HERC1: variants seen among roughly 807,000 people sequenced by gnomAD.
The protein encoded by HERC1 is probable E3 ubiquitin-protein ligase HERC1.
In HERC1, 160 loss-of-function variants were observed where a neutral mutation model predicts 554.3. The observed-to-expected ratio is 0.29, with a 90% CI of 0.25 to 0.33. The LOEUF is 0.33. Ranked by LOEUF, HERC1 falls within the 10% of genes least tolerant of loss-of-function variation. HERC1 has a pLI of 1.00. For missense variants in HERC1, 4,919 were observed against 5,918.5 expected (o/e 0.83, Z 5.54); for synonymous variants, 2,175 against 2,131.7 (o/e 1.02, Z -0.56).
At chr15:63,625,406 G>C (rs1376907016) in intron 71 of HERC1, among the ~76,000 whole-genome samples, 1 of 152,092 alleles carries the variant, frequency 6.6e-6, no homozygotes, top group African/African-American at 2.4e-5. Flanking sequence ...AGACTTTGTA[G>C]AAGTGGCTGG....
chr15:63,680,086 T>C lies in HERC1; in HGVS notation c.6540A>G (p.Pro2180=). The part of the protein sequence containing the change: ...YPCVMFYSSN[P]GEKVKICDMQ... ...TTTGAGACTTCATTACCTTTTCCCCTGGATTGCTACTATAGAACATCACAC... is the reference window on the plus strand; with the variant it reads ...TTTGAGACTTCATTACCTTTTCCCCCGGATTGCTACTATAGAACATCACAC... The change falls in exon 36 of 78, where the codon CCA becomes CCG. Residue 2180 remains proline (P), a synonymous_variant. Transcript: ENST00000443617. The surrounding 1 kb of genome is among the most constrained non-coding windows in gnomAD (Gnocchi z 5.8). The C allele has an allele frequency of 2.5e-6, 4 of 1,607,278 alleles. No homozygotes were observed. The highest frequency in any genetic ancestry group is 3.4e-6 in the Non-Finnish European group (4 of 1,175,032).
chr15:63,740,098 A>G (rs2141322252), intron 12 of HERC1, among the ~76,000 whole-genome samples: 1 of 152,154 alleles, frequency 6.6e-6, no homozygotes, highest in East Asian at 1.9e-4. Context: ...TTTAGTAGAG[A>G]CAGGGTTTCA....
intron 1 of HERC1, among the ~76,000 whole-genome samples, chr15:63,792,823 A>T (rs1360860604): frequency 2.6e-5 from 4 of 152,150 alleles, no homozygotes. Flanking sequence ...TCACAGGTTG[A>T]GGGCTCAGTC....
rs548887941 is a variant in HERC1, at chr15:63,749,176, T to A, written c.2219+191A>T. Among the ~76,000 whole-genome samples, 3 of 152,330 alleles carry A rather than the reference T, an allele frequency of 2.0e-5. No homozygotes were observed. Among genetic ancestry groups the A allele is most frequent in the African/African-American group, 7.2e-5 (3 of 41,578 alleles). On this transcript the variant is annotated intron_variant, in intron 10 of 77. Transcript: ENST00000443617. The surrounding 1 kb of genome is among the most constrained non-coding windows in gnomAD (Gnocchi z 4.1). Reference sequence around the variant, plus strand: ...GGTATGACTTCTTGCTTCGGAAACATGTCTAACCTCAACATTCAAATAAAA... The same window carrying A: ...GGTATGACTTCTTGCTTCGGAAACAAGTCTAACCTCAACATTCAAATAAAA...
intron 65 of HERC1, among the ~76,000 whole-genome samples, chr15:63,635,619 A>G (rs907992443): frequency 1.1e-4 from 16 of 152,270 alleles, no homozygotes; most frequent in Non-Finnish European, 2.2e-4. Flanking sequence ...ATGATAGGTT[A>G]AAAGCAAAGT....
In HERC1 at chr15:63,792,258, T is replaced by C. The variant is rs1292759605; in HGVS notation, c.-26-16609A>G. Among the ~76,000 whole-genome samples, 3 of 152,114 alleles carry C rather than the reference T, an allele frequency of 2.0e-5. No individual in the cohort carries two copies. The East Asian group carries it at 5.8e-4, about 29-fold the overall frequency. On this transcript the variant is annotated intron_variant, in intron 1 of 77. Coordinates refer to ENST00000443617, the MANE Select transcript of HERC1 (RefSeq NM_003922.4). ...CACATACCCTCTTCTCCAGGCCTCA[T>C]CTAAAAAATAAGGGATTTGAATAAA...
rs1331950892 is a variant in HERC1 at position 63,723,279 on chromosome 15, C to T, written c.3645G>A (p.Arg1215=). The T allele has an allele frequency of 1.3e-6, 2 of 1,597,784 alleles. No homozygotes were observed. Among genetic ancestry groups the T allele is most frequent in the East Asian group, 4.5e-5 (2 of 44,526 alleles). The change falls in exon 19 of 78, where the codon CGG becomes CGA. Residue 1215 remains arginine (R), a synonymous_variant. Coordinates refer to ENST00000443617, the MANE Select transcript of HERC1 (RefSeq NM_003922.4). ...EEQKPFDYKL[R]PEIAVYVDLA... is the part of the protein sequence containing the mutation. ...AGTCTACATAGACAGCAATTTCAGG[C>T]CGCAATTTATAATCAAAAGGCTTCT...
At chr15:63,658,205 G>A (rs931410379) in intron 48 of HERC1, among the ~76,000 whole-genome samples, 15 of 152,140 alleles carry the variant, frequency 9.9e-5, no homozygotes, top group South Asian at 2.1e-4. Context: ...GGCATCTGCA[G>A]GCTGACTTAG....
In HERC1 at chr15:63,649,813, T is replaced by TC; in HGVS notation, c.10658dup (p.Arg3554ThrfsTer10). ...TCAGTCCCAGAGATCCATCCATCCG[T>TC]CCCACCAACAACAATTCTGGAGACT... On this transcript the variant is annotated frameshift_variant, in exon 54 of 78. Coordinates refer to ENST00000443617, the MANE Select transcript of HERC1 (RefSeq NM_003922.4). LOFTEE classifies it high-confidence loss of function. 6.2e-7 allele frequency: 1 copy of TC among 1,613,628 alleles called. No individual in the cohort carries two copies. Among genetic ancestry groups the TC allele is most frequent in the Non-Finnish European group, 8.5e-7 (1 of 1,179,754 alleles).
chr15:63,739,202 T>TTA (rs1400718674), intron 12 of HERC1, among the ~76,000 whole-genome samples: 2 of 145,900 alleles, frequency 1.4e-5, no homozygotes, highest in African/African-American at 5.1e-5. Flanking sequence ...ATACTTTTTT[T>TTA]TTTTTTTTTT....
intron 1 of HERC1, among the ~76,000 whole-genome samples, chr15:63,821,920 G>A (rs896112847): frequency 1.3e-5 from 2 of 151,946 alleles, no homozygotes; most frequent in African/African-American, 4.8e-5. Context: ...TAATAACCAG[G>A]TAGGCAAGTA....
At chr15:63,688,910 C>T (rs747138132) in intron 33 of HERC1, among the ~76,000 whole-genome samples, 1 of 152,114 alleles carries the variant, frequency 6.6e-6, no homozygotes, top group African/African-American at 2.4e-5. Context: ...GAGGGGGAGA[C>T]ACCCAGGCTA....
At chr15:63,619,544 T>C (rs922686299) in intron 74 of HERC1, among the ~76,000 whole-genome samples, 1 of 152,208 alleles carries the variant, frequency 6.6e-6, no homozygotes, top group Non-Finnish European at 1.5e-5. Context: ...TCTTTTTCTA[T>C]TGATTGGAAT....
chr15:63,782,102 T>A (rs536421531), intron 1 of HERC1, among the ~76,000 whole-genome samples: 1 of 152,344 alleles, frequency 6.6e-6, no homozygotes, highest in African/African-American at 2.4e-5. Flanking sequence ...AGTGCTGATG[T>A]AGAAGCTGCA....
At chr15:63,793,256 C>A (rs1256117502) in intron 1 of HERC1, among the ~76,000 whole-genome samples, 3 of 152,144 alleles carry the variant, frequency 2.0e-5, no homozygotes, top group Non-Finnish European at 4.4e-5. Flanking sequence ...GAGGTCGGCA[C>A]AAGACACAGG....
At chr15:63,746,002 A>T (rs1471173955) in intron 12 of HERC1, among the ~76,000 whole-genome samples, 1 of 151,854 alleles carries the variant, frequency 6.6e-6, no homozygotes, top group Non-Finnish European at 1.5e-5. Flanking sequence ...GGATCTCCTC[A>T]ATTGTTTTTC....
At chr15:63,747,700 A>G (rs1450519435) in intron 11 of HERC1, 24 bp downstream of exon 11, 5 of 1,445,566 alleles carry the variant, frequency 3.5e-6, no homozygotes, top group Middle Eastern at 1.7e-4. Context: ...ACACACAAAG[A>G]TACAAAACAT....
At chr15:63,757,834 C>A (rs551957043) in intron 4 of HERC1, among the ~76,000 whole-genome samples, 81 of 152,084 alleles carry the variant, frequency 5.3e-4, no homozygotes, top group African/African-American at 1.9e-3. Context: ...CTCAGCCTCC[C>A]GAGTAGCTGG....
Position 63,654,299 on chromosome 15 carries a change from C to T in HERC1, c.10110G>A (p.Leu3370=). The T allele has an allele frequency of 6.2e-7, 1 of 1,613,556 alleles. No individual in the cohort carries two copies. Among genetic ancestry groups the T allele is most frequent in the Non-Finnish European group, 8.5e-7 (1 of 1,179,702 alleles). Residue 3370 remains leucine (L), a synonymous_variant, in exon 51 of 78, where the codon CTG becomes CTA. Coordinates refer to ENST00000443617, the MANE Select transcript of HERC1 (RefSeq NM_003922.4). The stretch of plus-strand genomic sequence containing the variant: ...GCCTGGAGGAGAGGCAGCAGGCTGC[C>T]AGGGCATTAGCCAACTCCAGAGGGC... ...KKGPLELANA[L]AACCLSSRLS...
Sources: gnomAD v4.1 joint callset for allele counts (sites outside exome capture counted in the v4.1 genomes callset) on GRCh38, gnomAD v4.1.1 for gene constraint, Gnocchi (gnomAD v3.1) non-coding constraint, MANE v1.5 for transcripts, NCBI Gene and HGNC (gene_info 2026-07-23, HGNC 2026-07-21) for gene names.